Variants in PRKCE observed in about 807,000 individuals in gnomAD.
PRKCE encodes protein kinase C epsilon type.
Under a neutral mutation model 85.4 loss-of-function variants are expected in PRKCE, and 16 were observed. The ratio of observed to expected loss-of-function variants is 0.19; its 90% confidence interval spans 0.13 to 0.28. The LOEUF is 0.28. PRKCE is among the 10% of genes least tolerant of loss of function. PRKCE has a pLI of 1.00. For synonymous variants in PRKCE, 388 were observed against 371.5 expected, an observed-to-expected ratio of 1.04 and a Z score of -0.51; for missense variants, 573 against 975.2, an observed-to-expected ratio of 0.59 and a Z score of 5.49.
intron 10 of PRKCE, among the ~76,000 whole-genome samples, chr2:46,077,167 GCA>G (rs68042105): frequency 0.44 from 66,373 of 150,048 alleles, 16,432 homozygotes; most frequent in Non-Finnish European, 0.54. Context: ...TCTTTCTCGT[GCA>G]CACACACACA....
chr2:46,101,600 T>C lies in PRKCE; in HGVS notation c.1592+15238T>C, dbSNP rs117438351. Among the ~76,000 whole-genome samples, 571 of 152,292 alleles carry C rather than the reference T, an allele frequency of 3.7e-3. 11 individuals carry two copies. Among genetic ancestry groups the C allele is most frequent in the East Asian group, 0.034 (178 of 5,176 alleles). On this transcript the variant is annotated intron_variant, in intron 11 of 14. Coordinates refer to ENST00000306156, the MANE Select transcript of PRKCE (RefSeq NM_005400.3). ...CTGTCGAATGACTGTCAAAGCCCTG[T>C]AAGTGCACGGTGACATGACCTCAGG...
chr2:45,802,255 A>G (rs1347497665), intron 1 of PRKCE, among the ~76,000 whole-genome samples: 1 of 152,150 alleles, frequency 6.6e-6, no homozygotes, highest in Non-Finnish European at 1.5e-5. Flanking sequence ...AGACCCTATC[A>G]TTCCTTCATA....
chr2:45,956,192 C>T (rs1351287645), intron 2 of PRKCE, among the ~76,000 whole-genome samples: 1 of 152,230 alleles, frequency 6.6e-6, no homozygotes, highest in Non-Finnish European at 1.5e-5. Flanking sequence ...TATAGCTACA[C>T]ACCAATTTGT....
intron 11 of PRKCE, among the ~76,000 whole-genome samples, chr2:46,090,480 C>T (rs1670062254): frequency 1.3e-5 from 2 of 152,114 alleles, no homozygotes; most frequent in African/African-American, 2.4e-5. Flanking sequence ...AGAGTGCTTA[C>T]CTAGTTGATC....
intron 10 of PRKCE, among the ~76,000 whole-genome samples, chr2:46,080,269 A>G (rs758505006): frequency 1.3e-5 from 2 of 152,206 alleles, no homozygotes; most frequent in Non-Finnish European, 2.9e-5. Flanking sequence ...GTCAGAAACA[A>G]TGCAGACTCA....
intron 2 of PRKCE, among the ~76,000 whole-genome samples, chr2:45,901,183 C>T (rs1412288048): frequency 1.3e-5 from 2 of 152,148 alleles, no homozygotes; most frequent in African/African-American, 4.8e-5. Context: ...ATTTGAGATG[C>T]AGAAAAATTG....
At chr2:45,656,062 T>C (rs1051991503) in intron 1 of PRKCE, among the ~76,000 whole-genome samples, 2 of 152,194 alleles carry the variant, frequency 1.3e-5, no homozygotes, top group Non-Finnish European at 2.9e-5. Context: ...AAACTGAGTG[T>C]ACCTGTCAGA....
chr2:46,046,927 C>G (rs1047691683), intron 10 of PRKCE, among the ~76,000 whole-genome samples: 4 of 152,164 alleles, frequency 2.6e-5, no homozygotes, highest in Non-Finnish European at 4.4e-5. Flanking sequence ...TTTCATCTAC[C>G]AGTTCACAGG....
At chr2:45,935,942 G>A (rs1031932857) in intron 2 of PRKCE, among the ~76,000 whole-genome samples, 42 of 152,230 alleles carry the variant, frequency 2.8e-4, no homozygotes, top group African/African-American at 9.2e-4. Context: ...GCTGGCTGGC[G>A]CCTTGCAGTG....
intron 2 of PRKCE, among the ~76,000 whole-genome samples, chr2:45,968,073 AG>A (rs1196602092): frequency 1.3e-5 from 2 of 152,190 alleles, no homozygotes; most frequent in Non-Finnish European, 2.9e-5. Context: ...CATGTTGGCA[AG>A]TCTGGCCCAG....
intron 1 of PRKCE, among the ~76,000 whole-genome samples, chr2:45,671,319 G>A (rs1676147899): frequency 6.6e-6 from 1 of 152,176 alleles, no homozygotes; most frequent in East Asian, 1.9e-4. Flanking sequence ...GGGGGCCAAG[G>A]CAGATGAATG....
At chr2:46,067,096 C>T (rs956640420) in intron 10 of PRKCE, among the ~76,000 whole-genome samples, 1 of 152,194 alleles carries the variant, frequency 6.6e-6, no homozygotes, top group Non-Finnish European at 1.5e-5. Context: ...GTAGTTGTTA[C>T]TGCTGTGCCA....
At chr2:45,677,393 A>C (rs1368183844) in intron 1 of PRKCE, among the ~76,000 whole-genome samples, 2 of 131,426 alleles carry the variant, frequency 1.5e-5, no homozygotes, top group South Asian at 4.9e-4. Context: ...TCTGTCGCCC[A>C]GGCCGGACTG....
Position 46,101,188 on chromosome 2 carries a change from G to A in PRKCE, c.1592+14826G>A, listed in dbSNP as rs1671186158. On this transcript the variant is annotated intron_variant, in intron 11 of 14. Transcript: ENST00000306156. ...TGGCCTATTTCTTTTTTAAAAAACT[G>A]ATAACCAGAGAGACAGTCTCTGCCC... Among the ~76,000 whole-genome samples, 3 of 152,256 alleles carry A rather than the reference G, an allele frequency of 2.0e-5. No individual in the cohort carries two copies. In the South Asian group the frequency reaches 6.2e-4, roughly 32 times the overall value.
chr2:46,120,667 A>G (rs556122141), intron 11 of PRKCE, among the ~76,000 whole-genome samples: 2 of 152,318 alleles, frequency 1.3e-5, no homozygotes, highest in Non-Finnish European at 2.9e-5. Flanking sequence ...TCTTCTGAAG[A>G]TAGGAGAAGG....
intron 1 of PRKCE, among the ~76,000 whole-genome samples, chr2:45,793,809 C>G (rs760905553): frequency 4.6e-5 from 7 of 152,176 alleles, no homozygotes; most frequent in Non-Finnish European, 1.5e-5. Flanking sequence ...TGGTGCTTGT[C>G]AAGGACAAGG....
At position 46,021,162 on chromosome 2, in the gene PRKCE, C is replaced by T. The variant is rs1029022858; in HGVS notation, c.1437+10645C>T. Among the ~76,000 whole-genome samples, 8 of 152,110 alleles carry T rather than the reference C, an allele frequency of 5.3e-5. 1 individual carries two copies. The highest frequency in any genetic ancestry group is 3.3e-4 in the Admixed American group (5 of 15,274). On this transcript the variant is annotated intron_variant, in intron 10 of 14. Coordinates refer to ENST00000306156, the MANE Select transcript of PRKCE (RefSeq NM_005400.3). ...TTGCAGGAACAGACCCCTGATTTAG[C>T]GAGTGTAATGATGAGTCCTGCTGCT...
At chr2:45,660,346 T>A (rs1475294873) in intron 1 of PRKCE, among the ~76,000 whole-genome samples, 1 of 152,188 alleles carries the variant, frequency 6.6e-6, no homozygotes, top group East Asian at 1.9e-4. Flanking sequence ...AATGCTATAT[T>A]ATTTCCACAT....
rs1040650451 is a variant in PRKCE at position 45,697,684 on chromosome 2, T to A, written c.348+45236T>A. Among the ~76,000 whole-genome samples the A allele has an allele frequency of 4.6e-5, 7 of 152,298 alleles. No homozygotes were observed. Among genetic ancestry groups the A allele is most frequent in the African/African-American group, 1.7e-4 (7 of 41,560 alleles). ...TGAAGGCCCTTGGCTCCAACCTGCCTCTGTTCCCAGGAGCTTTCTGGAAGT... is the reference window on the plus strand; with the variant it reads ...TGAAGGCCCTTGGCTCCAACCTGCCACTGTTCCCAGGAGCTTTCTGGAAGT... On this transcript the variant is annotated intron_variant, in intron 1 of 14. Coordinates refer to ENST00000306156, the MANE Select transcript of PRKCE (RefSeq NM_005400.3). This position sits in a 1 kb window ranked among gnomAD's most constrained non-coding sequence, Gnocchi z 4.2.
Sources: allele counts gnomAD v4.1 joint callset (sites outside exome capture counted in the v4.1 genomes callset), GRCh38; gene constraint gnomAD v4.1.1; non-coding constraint Gnocchi (gnomAD v3.1); transcripts MANE v1.5; gene names NCBI Gene and HGNC (gene_info 2026-07-23, HGNC 2026-07-21).